Variants in CSMD2 observed in about 807,000 individuals in gnomAD.
CSMD2 encodes CUB and sushi domain-containing protein 2.
A neutral mutation model predicts 398.5 loss-of-function variants in CSMD2; 130 were observed. That is an observed-to-expected ratio of 0.33 (90% CI 0.28 to 0.38). CSMD2 has a LOEUF of 0.38. CSMD2 is among the 10% of genes least tolerant of loss of function. The pLI is 1.00. For synonymous variants in CSMD2, 1,828 were observed against 1,908.5 expected, an observed-to-expected ratio of 0.96 and a Z score of 1.10; for missense variants, 3,829 against 4,764.9, an observed-to-expected ratio of 0.80 and a Z score of 5.78.
At chr1:34,103,238 G>A (rs1660164492) in intron 1 of CSMD2, among the ~76,000 whole-genome samples, 1 of 149,922 alleles carries the variant, frequency 6.7e-6, no homozygotes, top group South Asian at 2.1e-4. Flanking sequence ...TTCATCAATG[G>A]TGATATAATG....
At chr1:33,816,757 A>G (rs1223124109) in intron 9 of CSMD2, among the ~76,000 whole-genome samples, 1 of 152,178 alleles carries the variant, frequency 6.6e-6, no homozygotes, top group Admixed American at 6.5e-5. Context: ...GCCTAATTTC[A>G]TATCTCAAAA....
chr1:33,523,332 T>C lies in CSMD2; in HGVS notation c.10484A>G (p.Asp3495Gly). The C allele has an allele frequency of 6.3e-7, 1 of 1,581,582 alleles. No individual in the cohort carries two copies. Among genetic ancestry groups the C allele is most frequent in the Non-Finnish European group, 8.7e-7 (1 of 1,150,580 alleles). Residue 3495 changes from aspartate to glycine, a missense_variant, in exon 67 of 71, where the codon GAT becomes GGT. Transcript: ENST00000373381. ...ATGGCCATCTAAAGCCCAGTGATCA[T>C]CTTTGAACTTATTCATAAAGATCTC... ...PVEIFMNKFK[D>G]DHWALDGHVS...
chr1:34,065,264 C>A (rs893187567), intron 2 of CSMD2, among the ~76,000 whole-genome samples: 3 of 152,202 alleles, frequency 2.0e-5, no homozygotes, highest in African/African-American at 7.2e-5. Flanking sequence ...GGTGCACCAA[C>A]ACTTTCCTTC....
In CSMD2 at chr1:33,534,465, C is replaced by T. The variant is rs374063411; in HGVS notation, c.9880-558G>A. ...CCATAGAATCTGTTGAACGAACTGC[C>T]ACCCTCCCTCCCTGCTCTGCTCAGT... On this transcript the variant is annotated intron_variant, in intron 62 of 70. Coordinates refer to ENST00000373381, the MANE Select transcript of CSMD2 (RefSeq NM_001281956.2). Among the ~76,000 whole-genome samples, 13 of 152,206 alleles carry T rather than the reference C, an allele frequency of 8.5e-5. 1 individual carries two copies. In the South Asian group the frequency reaches 2.7e-3, roughly 32 times the overall value.
intron 25 of CSMD2, among the ~76,000 whole-genome samples, chr1:33,680,683 C>T (rs1022742032): frequency 3.3e-5 from 5 of 152,076 alleles, no homozygotes; most frequent in African/African-American, 1.2e-4. Context: ...CCTCCTCTCC[C>T]CCCATTCTCT....
intron 3 of CSMD2, among the ~76,000 whole-genome samples, chr1:33,969,302 A>G (rs1645670184): frequency 2.6e-5 from 4 of 152,250 alleles, no homozygotes; most frequent in Admixed American, 2.6e-4. Flanking sequence ...TATATTGAAC[A>G]GATGGGGTTA....
At chr1:34,057,530 G>A (rs1031930442) in intron 2 of CSMD2, among the ~76,000 whole-genome samples, 9 of 152,054 alleles carry the variant, frequency 5.9e-5, no homozygotes, top group African/African-American at 2.2e-4. Flanking sequence ...CTCAGTCCCC[G>A]CCCCCTCCCG....
chr1:33,598,955 T>G (rs1164307964), intron 44 of CSMD2: 1 of 152,350 alleles, frequency 6.6e-6, no homozygotes, highest in African/African-American at 2.4e-5. Flanking sequence ...CTTAGCTCTT[T>G]CCACTGAGAA....
rs74959826 is a variant in CSMD2, at chr1:33,948,402, T to G, written c.518-12448A>C. 8.5e-5 allele frequency among the ~76,000 whole-genome samples: 13 copies of G among 152,306 alleles called. No homozygotes were observed. In the East Asian group the frequency reaches 2.5e-3, roughly 29 times the overall value. On this transcript the variant is annotated intron_variant, in intron 3 of 70. Coordinates refer to ENST00000373381, the MANE Select transcript of CSMD2 (RefSeq NM_001281956.2). ...TACTAACACACACTCACACTCAACA[T>G]GCACAAATCCATCCATTCACATCCC...
intron 24 of CSMD2, among the ~76,000 whole-genome samples, chr1:33,697,349 T>A (rs142783005): frequency 1.1e-4 from 17 of 152,112 alleles, no homozygotes; most frequent in African/African-American, 3.4e-4. Context: ...AGGGGAGATA[T>A]AAAAAGAGAT....
chr1:34,002,861 T>C (rs1249389940), intron 3 of CSMD2, among the ~76,000 whole-genome samples: 1 of 152,082 alleles, frequency 6.6e-6, no homozygotes, highest in African/African-American at 2.4e-5. Context: ...TTTAAAGTGG[T>C]TTGCAAACAG....
intron 4 of CSMD2, among the ~76,000 whole-genome samples, chr1:33,929,673 C>T (rs1045871322): frequency 1.2e-4 from 18 of 151,962 alleles, no homozygotes; most frequent in African/African-American, 3.6e-4. Context: ...CCTGATCTCG[C>T]GATCTGCCCG....
chr1:33,754,576 A>C (rs948664195), intron 13 of CSMD2, among the ~76,000 whole-genome samples: 1 of 152,218 alleles, frequency 6.6e-6, no homozygotes, highest in Non-Finnish European at 1.5e-5. Flanking sequence ...AGAGCATAGG[A>C]AATATCTGAG....
chr1:33,581,529 C>CAAAAAAAAAAA (rs59068586), intron 47 of CSMD2, among the ~76,000 whole-genome samples: 8 of 36,876 alleles, frequency 2.2e-4, no homozygotes, highest in African/African-American at 5.1e-4. Flanking sequence ...GACTCAGTCT[C>CAAAAAAAAAAA]AAAAAAAAAA....
intron 60 of CSMD2, among the ~76,000 whole-genome samples, chr1:33,538,492 CTGTG>C (rs947022298): frequency 3.3e-5 from 5 of 151,928 alleles, no homozygotes; most frequent in Non-Finnish European, 7.4e-5. Context: ...GTGTGTGTGT[CTGTG>C]TGTATGTGTA....
At position 34,127,106 on chromosome 1, in the gene CSMD2, G is replaced by A. The variant is rs58862759; in HGVS notation, c.187+37805C>T. 9.7e-3 allele frequency among the ~76,000 whole-genome samples: 1,478 copies of A among 152,146 alleles called. 23 individuals are homozygous for A. The highest frequency in any genetic ancestry group is 0.033 in the African/African-American group (1,385 of 41,478). On this transcript the variant is annotated intron_variant, in intron 1 of 70. Transcript: ENST00000373381. Reference sequence around the variant, plus strand: ...AACAGAGAGACCAGATAGGGATAGCGGAAGGCAACGAGGGCATGACCCAGA... The same window carrying A: ...AACAGAGAGACCAGATAGGGATAGCAGAAGGCAACGAGGGCATGACCCAGA...
intron 2 of CSMD2, among the ~76,000 whole-genome samples, chr1:34,074,765 G>C (rs545311885): frequency 1.3e-5 from 2 of 152,044 alleles, no homozygotes; most frequent in African/African-American, 4.8e-5. Context: ...AAACCACAAA[G>C]GGTGAATGCA....
intron 2 of CSMD2, among the ~76,000 whole-genome samples, chr1:34,040,255 C>A (rs997977337): frequency 2.0e-5 from 3 of 151,804 alleles, no homozygotes; most frequent in Non-Finnish European, 4.4e-5. Context: ...CAATTGGGAT[C>A]ATCAGTTTGC....
chr1:34,091,417 G>C (rs528026059), intron 1 of CSMD2, among the ~76,000 whole-genome samples: 1 of 152,258 alleles, frequency 6.6e-6, no homozygotes, highest in South Asian at 2.1e-4. Flanking sequence ...TACAGACGAA[G>C]AACTAAGGCA....
Sources: allele counts gnomAD v4.1 joint callset (sites outside exome capture counted in the v4.1 genomes callset), GRCh38; gene constraint gnomAD v4.1.1; transcripts MANE v1.5; gene names NCBI Gene and HGNC (gene_info 2026-07-23, HGNC 2026-07-21).